CNIH4: variants seen among roughly 807,000 people sequenced by gnomAD.
The protein encoded by CNIH4 is protein cornichon homolog 4.
Under a neutral mutation model 21.5 loss-of-function variants are expected in CNIH4, and 9 were observed. The observed-to-expected ratio is 0.42, with a 90% CI of 0.25 to 0.73. CNIH4 has a LOEUF of 0.73. Ranked by LOEUF, CNIH4 falls within the 30% of genes least tolerant of loss-of-function variation. The pLI is 0.27. For missense variants in CNIH4, 159 were observed against 170.0 expected (o/e 0.94, Z 0.36); for synonymous variants, 67 against 59.1 (o/e 1.13, Z -0.61).
chr1:224,357,109 T>C, intron 1 of CNIH4, 116 bp downstream of exon 1: 1 of 1,210,648 alleles, frequency 8.3e-7, no homozygotes, highest in Non-Finnish European at 1.2e-6. Context: ...GGGCGTGGGC[T>C]CCCTGGGAGC....
chr1:224,376,947 G>A lies in CNIH4; in HGVS notation c.*1125G>A. 1.0e-6 allele frequency: 1 copy of A among 978,372 alleles called. No homozygotes were observed. Among genetic ancestry groups the A allele is most frequent in the East Asian group, 1.1e-4 (1 of 8,784 alleles). 60.6% of individuals were successfully genotyped at this position (978,372 alleles called of 1,614,324 possible). A position where few individuals can be genotyped will look rare whatever the true frequency, so the allele number is the denominator to read the frequency against. ...TGGCATTTGGGCAAAACATGACTGT[G>A]TTCTGTGGGAGAATCCAAAGGCATT... On this transcript the variant is annotated 3_prime_UTR_variant, in exon 5 of 5. Coordinates refer to ENST00000465271, the MANE Select transcript of CNIH4 (RefSeq NM_014184.4).
At chr1:224,370,027 A>G (rs933252104) in intron 3 of CNIH4, among the ~76,000 whole-genome samples, 1 of 152,236 alleles carries the variant, frequency 6.6e-6, no homozygotes, top group East Asian at 1.9e-4. Context: ...TCTCTCATAT[A>G]ACCCATAAAT....
At chr1:224,357,808 T>G (rs1240702572) in intron 1 of CNIH4, among the ~76,000 whole-genome samples, 1 of 152,216 alleles carries the variant, frequency 6.6e-6, no homozygotes, top group African/African-American at 2.4e-5. Context: ...GAGCAATAAA[T>G]GGTGGTTGAA....
chr1:224,375,692 G>T, intron 4 of CNIH4, 103 bp from the exon 5 acceptor site: 1 of 1,245,964 alleles, frequency 8.0e-7, no homozygotes, highest in South Asian at 1.4e-5. Context: ...TTACTCAAAT[G>T]ATTGTTCCTT....
intron 2 of CNIH4, among the ~76,000 whole-genome samples, chr1:224,362,142 G>A (rs1376784817): frequency 6.7e-6 from 1 of 149,856 alleles, no homozygotes; most frequent in South Asian, 2.1e-4. Context: ...GTGCAGTGGT[G>A]CGATCTTGGC....
intron 1 of CNIH4, among the ~76,000 whole-genome samples, chr1:224,359,067 T>A (rs180878144): frequency 6.6e-6 from 1 of 152,222 alleles, no homozygotes; most frequent in Admixed American, 6.5e-5. Context: ...GGTATGTTCG[T>A]GGATTTCTGG....
chr1:224,375,745 A>G, intron 4 of CNIH4, 50 bp from the exon 5 acceptor site: 1 of 1,611,000 alleles, frequency 6.2e-7, no homozygotes, highest in Non-Finnish European at 8.5e-7. Context: ...CAGGCTCTGT[A>G]GGAACATTCC....
At chr1:224,361,678 G>A (rs188514236) in intron 2 of CNIH4, among the ~76,000 whole-genome samples, 8 of 151,878 alleles carry the variant, frequency 5.3e-5, no homozygotes, top group Admixed American at 1.3e-4. Context: ...GACCTCCTAG[G>A]CTCAAGCGAT....
In CNIH4 at chr1:224,379,099, A is replaced by C; in HGVS notation, c.*3277A>C. ...GCAACTGCCCTTGCTAATCACCGTA[A>C]CCTCGGCTGAGAAAGAAGAGGAAGC... On this transcript the variant is annotated 3_prime_UTR_variant, in exon 5 of 5. Coordinates refer to ENST00000465271, the MANE Select transcript of CNIH4 (RefSeq NM_014184.4). 1 of 1,550,540 alleles carries C rather than the reference A, an allele frequency of 6.4e-7. No homozygotes were observed. The highest frequency in any genetic ancestry group is 8.7e-7 in the Non-Finnish European group (1 of 1,146,972).
At chr1:224,372,870 G>A (rs943814680) in intron 4 of CNIH4, among the ~76,000 whole-genome samples, 2 of 151,644 alleles carry the variant, frequency 1.3e-5, no homozygotes, top group Non-Finnish European at 2.9e-5. Flanking sequence ...ATGAGCCACC[G>A]TGCCTGGCCA....
chr1:224,371,647 A>G (rs947808929), intron 4 of CNIH4, among the ~76,000 whole-genome samples: 2 of 152,216 alleles, frequency 1.3e-5, no homozygotes, highest in African/African-American at 4.8e-5. Context: ...CTTTGAGGCT[A>G]TCCACATGCT....
intron 4 of CNIH4, among the ~76,000 whole-genome samples, chr1:224,372,655 T>C (rs1572133876): frequency 6.6e-6 from 1 of 152,110 alleles, no homozygotes; most frequent in East Asian, 1.9e-4. Context: ...CAGTCTCGGC[T>C]CACTGCAACC....
At chr1:224,359,411 T>G (rs927445930) in intron 1 of CNIH4, among the ~76,000 whole-genome samples, 3 of 152,152 alleles carry the variant, frequency 2.0e-5, no homozygotes, top group African/African-American at 7.2e-5. Flanking sequence ...AAGAAATGAT[T>G]GCCAGGACCT....
chr1:224,357,993 C>G (rs1282984830), intron 1 of CNIH4, among the ~76,000 whole-genome samples: 2 of 152,160 alleles, frequency 1.3e-5, no homozygotes, highest in African/African-American at 2.4e-5. Context: ...TCACATGTAC[C>G]TGTTTCTGAT....
At chr1:224,375,492 T>C (rs1672754422) in intron 4 of CNIH4, among the ~76,000 whole-genome samples, 1 of 152,058 alleles carries the variant, frequency 6.6e-6, no homozygotes, top group African/African-American at 2.4e-5. Context: ...TTTTGTTTTG[T>C]TTTGTTTTTT....
chr1:224,371,503 G>T lies in CNIH4; in HGVS notation c.392+80G>T, dbSNP rs940125544. 1.5e-4 allele frequency: 212 copies of T among 1,399,218 alleles called. No homozygotes were observed. In the East Asian group the frequency reaches 4.8e-3, roughly 32 times the overall value. 86.7% of individuals were successfully genotyped at this position (1,399,218 alleles called of 1,614,324 possible). A position where few individuals can be genotyped will look rare whatever the true frequency, so the allele number is the denominator to read the frequency against. On this transcript the variant is annotated intron_variant, in intron 4 of 4. Transcript: ENST00000465271. ...AGATATTACTATACTATAGGATTTT[G>T]CATTGACATTGTGGAACTTTCGGGG...
rs1411355342 is a variant in CNIH4, at chr1:224,377,935, A to G, written c.*2113A>G. The G allele has an allele frequency of 6.6e-6, 1 of 152,218 alleles. No homozygotes were observed. Among genetic ancestry groups the G allele is most frequent in the Non-Finnish European group, 1.5e-5 (1 of 68,042 alleles). 9.4% of individuals were successfully genotyped at this position (152,218 alleles called of 1,614,324 possible). A position where few individuals can be genotyped will look rare whatever the true frequency, so the allele number is the denominator to read the frequency against. ...AGCAAATCAGAAAGGTGCCATGTTT[A>G]TAACAGAGGTCAAAGCTCCTTACTT... On this transcript the variant is annotated 3_prime_UTR_variant, in exon 5 of 5. Coordinates refer to ENST00000465271, the MANE Select transcript of CNIH4 (RefSeq NM_014184.4).
At chr1:224,375,621 A>T (rs1672759744) in intron 4 of CNIH4, among the ~76,000 whole-genome samples, 174 bp from the exon 5 acceptor site, 1 of 151,920 alleles carries the variant, frequency 6.6e-6, no homozygotes, top group African/African-American at 2.4e-5. Flanking sequence ...TTTTTTAGTG[A>T]AAAAGTTTGG....
intron 3 of CNIH4, among the ~76,000 whole-genome samples, chr1:224,368,910 C>CT (rs11370391): frequency 0.69 from 98,535 of 143,100 alleles, 36,079 homozygotes; most frequent in East Asian, 0.99. Context: ...CTGTGTGTGT[C>CT]TTTTTTTTTT....
Sources: allele counts gnomAD v4.1 joint callset (sites outside exome capture counted in the v4.1 genomes callset), GRCh38; gene constraint gnomAD v4.1.1; transcripts MANE v1.5; gene names NCBI Gene and HGNC (gene_info 2026-07-23, HGNC 2026-07-21).